The following EYS variants were observed in gnomAD, a reference collection of about 807,000 sequenced individuals.
The protein encoded by EYS is protein eyes shut homolog.
EYS carries 250 observed loss-of-function variants against 282.1 expected under a neutral mutation model. That is an observed-to-expected ratio of 0.89 (90% CI 0.80 to 0.98). The LOEUF (loss-of-function observed/expected upper bound fraction) is 0.98, where lower values mean the gene tolerates loss of function less well. Ranked by LOEUF, EYS falls within the 50% of genes least tolerant of loss-of-function variation. The pLI is 0.00. For synonymous variants in EYS, 1,355 were observed against 1,282.9 expected (o/e 1.06, Z -1.20); for missense variants, 4,016 against 3,709.0 (o/e 1.08, Z -2.15).
intron 29 of EYS, among the ~76,000 whole-genome samples, chr6:64,321,682 A>AT (rs1399511401): frequency 6.6e-6 from 1 of 151,840 alleles, no homozygotes; most frequent in Non-Finnish European, 1.5e-5. Context: ...AAAGAGAGAA[A>AT]TTGGTAGGAA....
chr6:65,637,889 T>A (rs1054195432), intron 2 of EYS, among the ~76,000 whole-genome samples: 5 of 152,138 alleles, frequency 3.3e-5, no homozygotes, highest in Admixed American at 2.6e-4. Flanking sequence ...CTGGGCACTG[T>A]GGACAGCATG....
At chr6:64,813,219 C>A (rs1764648085) in intron 22 of EYS, among the ~76,000 whole-genome samples, 159 bp downstream of exon 22, 1 of 151,886 alleles carries the variant, frequency 6.6e-6, no homozygotes, top group Non-Finnish European at 1.5e-5. Flanking sequence ...TAAACAATGA[C>A]ATTTTGTAAT....
At chr6:64,289,619 C>A (rs1768627780) in intron 30 of EYS, among the ~76,000 whole-genome samples, 1 of 152,018 alleles carries the variant, frequency 6.6e-6, no homozygotes, top group African/African-American at 2.4e-5. Flanking sequence ...TAAACCCACT[C>A]CCTGAAAATA....
chr6:65,209,687 G>C (rs1766125205), intron 12 of EYS, among the ~76,000 whole-genome samples: 2 of 151,914 alleles, frequency 1.3e-5, no homozygotes, highest in Non-Finnish European at 2.9e-5. Context: ...CTTTCAGGTG[G>C]AGGAAGTGCA....
chr6:64,736,783 C>A (rs1200584341), intron 22 of EYS, among the ~76,000 whole-genome samples: 1 of 152,068 alleles, frequency 6.6e-6, no homozygotes, highest in Non-Finnish European at 1.5e-5. Context: ...CTGGACTATA[C>A]ACGAGTGAGC....
chr6:63,796,142 T>C (rs1471394251), intron 37 of EYS, among the ~76,000 whole-genome samples: 1 of 152,228 alleles, frequency 6.6e-6, no homozygotes, highest in Admixed American at 6.5e-5. Flanking sequence ...CGTCCTGCTG[T>C]TTCTCCTACT....
chr6:63,945,097 G>A (rs1765356598), intron 35 of EYS, among the ~76,000 whole-genome samples: 1 of 152,050 alleles, frequency 6.6e-6, no homozygotes, highest in Non-Finnish European at 1.5e-5. Flanking sequence ...CATTATATTA[G>A]TACTTTCTCA....
chr6:64,760,508 C>T (rs543840041), intron 22 of EYS, among the ~76,000 whole-genome samples: 47 of 152,084 alleles, frequency 3.1e-4, no homozygotes, highest in Admixed American at 1.9e-3. Flanking sequence ...AGAGTGAGTC[C>T]GAAGAAGTCT....
Position 64,943,857 on chromosome 6 carries a change from A to G in EYS, c.2381+1936T>C, listed in dbSNP as rs145022019. ...AGAATTAGAGAAAAACTATACTAAA[A>G]TGTACGTAGAGTGAAGAAAGAGATT... On this transcript the variant is annotated intron_variant, in intron 15 of 42. Transcript: ENST00000503581. 1.5e-3 allele frequency among the ~76,000 whole-genome samples: 230 copies of G among 152,220 alleles called. 1 individual carries two copies. The highest frequency in any genetic ancestry group is 5.2e-3 in the African/African-American group (216 of 41,554).
intron 5 of EYS, among the ~76,000 whole-genome samples, chr6:65,465,754 GGAGGATCACTT>G (rs2150412749): frequency 6.6e-6 from 1 of 152,244 alleles, no homozygotes; most frequent in South Asian, 2.1e-4. Flanking sequence ...GGCCAAGGCA[GGAGGATCACTT>G]GAGTCCAGGA....
At position 64,166,790 on chromosome 6, in the gene EYS, T is replaced by G. The variant is rs571715724; in HGVS notation, c.6424+63802A>C. ...AAAAGATCATGGTGCTTACAGTAAC[T>G]GATCCCAGTTTACCTGCTTCTCTGT... On this transcript the variant is annotated intron_variant, in intron 31 of 42. Coordinates refer to ENST00000503581, the MANE Select transcript of EYS (RefSeq NM_001142800.2). 4.6e-5 allele frequency among the ~76,000 whole-genome samples: 7 copies of G among 152,346 alleles called. No individual in the cohort carries two copies. The South Asian group carries it at 6.2e-4, about 14-fold the overall frequency.
At chr6:64,998,883 T>C (rs1271375157) in intron 13 of EYS, among the ~76,000 whole-genome samples, 2 of 152,222 alleles carry the variant, frequency 1.3e-5, no homozygotes, top group Middle Eastern at 3.2e-3. Flanking sequence ...TTATGGTTAT[T>C]ATTTAAGTTG....
At chr6:65,020,527 G>A (rs189923261) in intron 13 of EYS, among the ~76,000 whole-genome samples, 147 of 152,172 alleles carry the variant, frequency 9.7e-4, no homozygotes, top group Non-Finnish European at 1.7e-3. Context: ...TACGGCTCTC[G>A]ATCCTAGCTG....
intron 26 of EYS, among the ~76,000 whole-genome samples, chr6:64,578,133 T>C (rs1220265955): frequency 6.6e-6 from 1 of 152,084 alleles, no homozygotes; most frequent in Non-Finnish European, 1.5e-5. Context: ...TCACACACAC[T>C]GATCTGTTCT....
intron 12 of EYS, among the ~76,000 whole-genome samples, chr6:65,224,305 A>G (rs1426425649): frequency 6.6e-6 from 1 of 152,228 alleles, no homozygotes; most frequent in Non-Finnish European, 1.5e-5. Context: ...CACACTCTTA[A>G]CCAATCAGTC....
chr6:65,566,045 T>C (rs1769268484), intron 2 of EYS, among the ~76,000 whole-genome samples: 1 of 151,538 alleles, frequency 6.6e-6, no homozygotes, highest in Non-Finnish European at 1.5e-5. Context: ...TGTGTATACC[T>C]ATGTAACAAA....
rs150131618 is a variant in EYS, at chr6:65,268,798, A to T, written c.2023+27065T>A. 1.7e-3 allele frequency among the ~76,000 whole-genome samples: 190 copies of T among 113,158 alleles called. 2 individuals are homozygous for T. In the East Asian group the frequency reaches 0.049, roughly 29 times the overall value. The allele number at this position is 113,158 out of a possible 152,430, so 74.2% of individuals were successfully genotyped here. ...TTTTTGTAACATAACGTGGTATTTCAACATAAGTTTTTTTTTAAAAAAAAG... is the reference window on the plus strand; with the variant it reads ...TTTTTGTAACATAACGTGGTATTTCTACATAAGTTTTTTTTTAAAAAAAAG... On this transcript the variant is annotated intron_variant, in intron 12 of 42. Transcript: ENST00000503581.
chr6:64,856,684 C>T (rs144917616), intron 19 of EYS, among the ~76,000 whole-genome samples: 7 of 152,074 alleles, frequency 4.6e-5, no homozygotes, highest in Non-Finnish European at 8.8e-5. Flanking sequence ...AACATATGCA[C>T]GTTTCACAAA....
intron 13 of EYS, among the ~76,000 whole-genome samples, chr6:65,029,276 GGAAA>G (rs1356944160): frequency 6.6e-6 from 1 of 151,910 alleles, no homozygotes; most frequent in Admixed American, 6.6e-5. Context: ...TCTTATAAAG[GGAAA>G]GAGTTAGGAA....
Sources: gnomAD v4.1 joint callset for allele counts (sites outside exome capture counted in the v4.1 genomes callset) on GRCh38, gnomAD v4.1.1 for gene constraint, MANE v1.5 for transcripts, NCBI Gene and HGNC (gene_info 2026-07-23, HGNC 2026-07-21) for gene names.